Variants in CDC73 observed in about 807,000 individuals in gnomAD.
The protein encoded by CDC73 is cell division cycle 73, also known as parafibromin.
Under a neutral mutation model 83.7 loss-of-function variants are expected in CDC73, and 21 were observed. The observed-to-expected ratio is 0.25, with a 90% CI of 0.18 to 0.36. The LOEUF is 0.36. Ranked by LOEUF, CDC73 falls within the 10% of genes least tolerant of loss-of-function variation. The pLI, the probability that CDC73 is intolerant of heterozygous loss-of-function variation, is 1.00. For synonymous variants in CDC73, 224 were observed against 212.9 expected (o/e 1.05, Z -0.45); for missense variants, 342 against 653.3 (o/e 0.52, Z 5.19).
intron 11 of CDC73, among the ~76,000 whole-genome samples, chr1:193,207,854 C>T (rs908448063): frequency 6.6e-6 from 1 of 152,186 alleles, no homozygotes; most frequent in Non-Finnish European, 1.5e-5. Context: ...TAAAGACAGG[C>T]ATAAGAAATT....
At chr1:193,245,282 A>G (rs1263254123) in intron 15 of CDC73, among the ~76,000 whole-genome samples, 5 of 151,252 alleles carry the variant, frequency 3.3e-5, no homozygotes, top group African/African-American at 1.2e-4. Flanking sequence ...CCTACCCCCT[A>G]CTCTTCCCAG....
chr1:193,182,996 A>C (rs528282664), intron 10 of CDC73, among the ~76,000 whole-genome samples: 1 of 152,062 alleles, frequency 6.6e-6, no homozygotes, highest in South Asian at 2.1e-4. Flanking sequence ...ATGCATAAAT[A>C]CATGTATGTA....
chr1:193,161,730 A>G lies in CDC73; in HGVS notation c.972+9286A>G, dbSNP rs1200426434. On this transcript the variant is annotated intron_variant, in intron 10 of 16. Coordinates refer to ENST00000367435, the MANE Select transcript of CDC73 (RefSeq NM_024529.5). ...TCTATCATATAATATAATATATATAATATATAATATATATCATATTATATT... is the reference window on the plus strand; with the variant it reads ...TCTATCATATAATATAATATATATAGTATATAATATATATCATATTATATT... Among the ~76,000 whole-genome samples the G allele has an allele frequency of 1.0e-3, 17 of 16,492 alleles. 6 individuals are homozygous for G. Among genetic ancestry groups the G allele is most frequent in the African/African-American group, 1.5e-3 (8 of 5,216 alleles). The allele number at this position is 16,492 out of a possible 152,430, so 10.8% of individuals were successfully genotyped here.
Position 193,214,192 on chromosome 1 carries a change from C to G in CDC73, c.1154+1715C>G, listed in dbSNP as rs567049044. Reference sequence around the variant, plus strand: ...ACCAGTGCACTTTATTGGTCGTCAGCATTTTCTTCATTTGTAGCCGATGAC... The same window carrying G: ...ACCAGTGCACTTTATTGGTCGTCAGGATTTTCTTCATTTGTAGCCGATGAC... On this transcript the variant is annotated intron_variant, in intron 13 of 16. Transcript: ENST00000367435. Among the ~76,000 whole-genome samples the G allele has an allele frequency of 1.6e-4, 25 of 152,302 alleles. No homozygotes were observed. In the South Asian group the frequency reaches 5.0e-3, roughly 30 times the overall value.
chr1:193,247,719 T>G (rs1677978131), intron 15 of CDC73, among the ~76,000 whole-genome samples: 1 of 152,036 alleles, frequency 6.6e-6, no homozygotes, highest in Non-Finnish European at 1.5e-5. Context: ...AAAGCTTGAT[T>G]GGTATGGAAA....
intron 2 of CDC73, among the ~76,000 whole-genome samples, chr1:193,129,022 G>A (rs1675641080): frequency 7.3e-6 from 1 of 137,126 alleles, no homozygotes; most frequent in African/African-American, 2.8e-5. Context: ...TTTTGAGACA[G>A]TGTCTCACTC....
At chr1:193,234,173 TCTCACACACACACACACACA>T (rs1677710541) in intron 14 of CDC73, among the ~76,000 whole-genome samples, 2 of 68,368 alleles carry the variant, frequency 2.9e-5, no homozygotes, top group African/African-American at 1.1e-4. Flanking sequence ...TCTCTCTCTC[TCTCACACACACACACACACA>T]CACACACACA....
chr1:193,223,320 A>G (rs1170449082), intron 13 of CDC73, among the ~76,000 whole-genome samples: 2 of 152,166 alleles, frequency 1.3e-5, no homozygotes, highest in Non-Finnish European at 1.5e-5. Context: ...CTCCAAGTGA[A>G]TATGACAGAA....
chr1:193,222,425 C>T (rs1004774223), intron 13 of CDC73, among the ~76,000 whole-genome samples: 2 of 152,122 alleles, frequency 1.3e-5, no homozygotes, highest in Non-Finnish European at 2.9e-5. Context: ...GTACTTGTTC[C>T]CAACAGCCCC....
chr1:193,182,986 A>C (rs1172323075), intron 10 of CDC73, among the ~76,000 whole-genome samples: 1 of 152,050 alleles, frequency 6.6e-6, no homozygotes, highest in Non-Finnish European at 1.5e-5. Context: ...ATTACAGTGT[A>C]TGCATAAATA....
At chr1:193,249,423 A>C (rs886574729) in intron 15 of CDC73, among the ~76,000 whole-genome samples, 11 of 151,988 alleles carry the variant, frequency 7.2e-5, no homozygotes, top group African/African-American at 2.7e-4. Flanking sequence ...ATGATACTTT[A>C]TTGCGGTGGT....
At chr1:193,234,191 A>G (rs867748813) in intron 14 of CDC73, among the ~76,000 whole-genome samples, 1 of 117,188 alleles carries the variant, frequency 8.5e-6, no homozygotes, top group African/African-American at 3.7e-5. Context: ...ACACACACAC[A>G]CACACACACA....
intron 10 of CDC73, among the ~76,000 whole-genome samples, chr1:193,159,411 C>T (rs1450011846): frequency 6.6e-6 from 1 of 152,132 alleles, no homozygotes; most frequent in Non-Finnish European, 1.5e-5. Flanking sequence ...CACTGTCTCA[C>T]CCAGGCTGGA....
intron 15 of CDC73, among the ~76,000 whole-genome samples, chr1:193,244,897 C>T (rs1265896960): frequency 6.6e-6 from 1 of 152,032 alleles, no homozygotes; most frequent in Admixed American, 6.6e-5. Context: ...ATATAAACTC[C>T]CTTAGGGTGG....
At position 193,162,756 on chromosome 1, in the gene CDC73, A is replaced by G. The variant is rs567811321; in HGVS notation, c.972+10312A>G. Among the ~76,000 whole-genome samples the G allele has an allele frequency of 3.3e-5, 5 of 152,218 alleles. No homozygotes were observed. In the South Asian group the frequency reaches 8.3e-4, roughly 25 times the overall value. On this transcript the variant is annotated intron_variant, in intron 10 of 16. Coordinates refer to ENST00000367435, the MANE Select transcript of CDC73 (RefSeq NM_024529.5). ...AATTCTGGACATTATCAATCCTGTA[A>G]TCATTTACCTCCCCAAATTTGGTAT...
At chr1:193,170,556 A>G (rs1421764590) in intron 10 of CDC73, among the ~76,000 whole-genome samples, 1 of 152,030 alleles carries the variant, frequency 6.6e-6, no homozygotes, top group Non-Finnish European at 1.5e-5. Flanking sequence ...TTGTTTTCAT[A>G]TGATTGTTGG....
At chr1:193,226,680 T>A (rs1677572662) in intron 13 of CDC73, among the ~76,000 whole-genome samples, 1 of 152,232 alleles carries the variant, frequency 6.6e-6, no homozygotes, top group Admixed American at 6.5e-5. Context: ...CATTTGATCA[T>A]GGTGGATTAT....
intron 10 of CDC73, among the ~76,000 whole-genome samples, chr1:193,169,181 A>G (rs1676480286): frequency 6.6e-6 from 1 of 152,222 alleles, no homozygotes; most frequent in Non-Finnish European, 1.5e-5. Context: ...GAATTTTAAG[A>G]AGGATGCTAT....
intron 15 of CDC73, among the ~76,000 whole-genome samples, chr1:193,243,577 T>C (rs1677899576): frequency 6.6e-6 from 1 of 152,204 alleles, no homozygotes; most frequent in Non-Finnish European, 1.5e-5. Flanking sequence ...TTCTGAAGAA[T>C]GATTAGCAAA....
Sources: allele counts gnomAD v4.1 joint callset (sites outside exome capture counted in the v4.1 genomes callset), GRCh38; gene constraint gnomAD v4.1.1; transcripts MANE v1.5; gene names NCBI Gene and HGNC (gene_info 2026-07-23, HGNC 2026-07-21).